Variants in LAMA3 observed in about 807,000 individuals in gnomAD.
LAMA3 encodes the protein laminin subunit alpha 3.
Under a neutral mutation model 402.0 loss-of-function variants are expected in LAMA3, and 281 were observed. That is an observed-to-expected ratio of 0.70 (90% CI 0.63 to 0.77). The LOEUF (loss-of-function observed/expected upper bound fraction) is 0.77. LAMA3 is among the 30% of genes least tolerant of loss of function. The pLI is 0.00. For synonymous variants in LAMA3, 1,431 were observed against 1,558.4 expected (o/e 0.92, Z 1.93); for missense variants, 3,840 against 4,215.5 (o/e 0.91, Z 2.47).
At chr18:23,896,398 T>C (rs1307755354) in intron 44 of LAMA3, among the ~76,000 whole-genome samples, 1 of 152,044 alleles carries the variant, frequency 6.6e-6, no homozygotes, top group African/African-American at 2.4e-5. Flanking sequence ...AATATCCAAA[T>C]TGGGGGATTT....
intron 74 of LAMA3, among the ~76,000 whole-genome samples, chr18:23,953,557 G>A (rs2083001212): frequency 6.6e-6 from 1 of 151,944 alleles, no homozygotes; most frequent in African/African-American, 2.4e-5. Flanking sequence ...GGCCAGGCTG[G>A]TCACAAACTC....
At chr18:23,916,801 GT>G (rs1338381214) in intron 60 of LAMA3, 106 bp downstream of exon 60, 12 of 1,078,080 alleles carry the variant, frequency 1.1e-5, no homozygotes, top group Non-Finnish European at 1.6e-5. Flanking sequence ...GGAAAACAAT[GT>G]GTAAATGTTA....
chr18:23,708,735 C>T (rs2060935219), intron 1 of LAMA3, among the ~76,000 whole-genome samples: 1 of 151,808 alleles, frequency 6.6e-6, no homozygotes, highest in Non-Finnish European at 1.5e-5. Flanking sequence ...ACATTTGGGT[C>T]TTTATTTTCT....
chr18:23,783,971 A>C (rs1409338790), intron 11 of LAMA3, 52 bp from the exon 12 acceptor site: 5 of 1,609,262 alleles, frequency 3.1e-6, no homozygotes, highest in Non-Finnish European at 3.4e-6. Context: ...GGAGAAATTA[A>C]GAAAGTGATG....
At chr18:23,847,175 C>T (rs1281229032) in intron 31 of LAMA3, among the ~76,000 whole-genome samples, 2 of 152,204 alleles carry the variant, frequency 1.3e-5, no homozygotes, top group Non-Finnish European at 2.9e-5. Flanking sequence ...TACCAATTTC[C>T]AGAATCCTTC....
At chr18:23,942,535 T>C (rs2082558943) in intron 68 of LAMA3, among the ~76,000 whole-genome samples, 1 of 151,552 alleles carries the variant, frequency 6.6e-6, no homozygotes, top group African/African-American at 2.4e-5. Context: ...TGGATGTGCA[T>C]AGAACATGTA....
Position 23,846,307 on chromosome 18 carries a change from G to A in LAMA3, c.3730G>A (p.Ala1244Thr). The change falls in exon 31 of 75, where the codon GCC (alanine) becomes ACC (threonine). Residue 1244 changes from alanine (A) to threonine (T), a missense_variant. Coordinates refer to ENST00000313654, the MANE Select transcript of LAMA3 (RefSeq NM_198129.4). ...TTTCTGTCTCCACAGCCCCCAGACA[G>A]CCTCCAGATTCTGTAAGAATTCCGC... ...KNSFYLDPQT[A>T]SRFCKNSARS... 1 of 1,614,244 alleles carries A rather than the reference G, an allele frequency of 6.2e-7. No individual in the cohort carries two copies. The highest frequency in any genetic ancestry group is 8.5e-7 in the Non-Finnish European group (1 of 1,180,032).
intron 52 of LAMA3, among the ~76,000 whole-genome samples, chr18:23,905,925 C>T (rs45554537): frequency 3.3e-5 from 5 of 151,892 alleles, no homozygotes; most frequent in African/African-American, 7.3e-5. Flanking sequence ...CCACCATGCC[C>T]AGCTAATTTT....
rs749379615 is a variant in LAMA3, at chr18:23,857,952, A to G, written c.4245A>G (p.Gly1415=). ...CNCNRDGTEP[G]VCDPGTGACL... ...GCAACAGAGATGGGACTGAGCCAGG[A>G]GTGTGTGACCCAGGGACCGGGGCTT... The change falls in exon 33 of 75, where the codon GGA becomes GGG. Residue 1415 remains glycine, a synonymous_variant. Transcript: ENST00000313654. 6.2e-7 allele frequency: 1 copy of G among 1,614,112 alleles called. No homozygotes were observed. Among genetic ancestry groups the G allele is most frequent in the South Asian group, 1.1e-5 (1 of 91,076 alleles).
intron 41 of LAMA3, among the ~76,000 whole-genome samples, chr18:23,887,615 C>G (rs1350439104): frequency 2.0e-5 from 3 of 152,156 alleles, no homozygotes; most frequent in Non-Finnish European, 4.4e-5. Context: ...AGACACAGCA[C>G]CCAGACATCA....
chr18:23,905,113 AT>A (rs777996582), intron 51 of LAMA3, among the ~76,000 whole-genome samples: 10 of 152,182 alleles, frequency 6.6e-5, no homozygotes, highest in Non-Finnish European at 1.2e-4. Flanking sequence ...GATAATTCCT[AT>A]ATCTGAAAAT....
intron 20 of LAMA3, among the ~76,000 whole-genome samples, chr18:23,823,360 C>A (rs899031682): frequency 6.6e-6 from 1 of 152,230 alleles, no homozygotes; most frequent in African/African-American, 2.4e-5. Flanking sequence ...ACAGGCCCCT[C>A]TGCCTCCTGC....
chr18:23,799,357 G>C (rs1432889270), intron 12 of LAMA3, among the ~76,000 whole-genome samples: 3 of 152,162 alleles, frequency 2.0e-5, no homozygotes, highest in Non-Finnish European at 4.4e-5. Flanking sequence ...GTGAGAAAAG[G>C]GCTGCCAATG....
intron 35 of LAMA3, among the ~76,000 whole-genome samples, 181 bp from the exon 36 acceptor site, chr18:23,864,604 T>TA (rs1422134363): frequency 6.6e-6 from 1 of 152,150 alleles, no homozygotes; most frequent in Non-Finnish European, 1.5e-5. Context: ...CAAATGACAT[T>TA]AAAAATAGCA....
chr18:23,939,946 T>C (rs2082439428), intron 68 of LAMA3, among the ~76,000 whole-genome samples: 1 of 152,234 alleles, frequency 6.6e-6, no homozygotes, highest in South Asian at 2.1e-4. Context: ...GGTACTGACC[T>C]TTTCTTCACG....
At chr18:23,927,201 C>T (rs2082026812) in intron 62 of LAMA3, among the ~76,000 whole-genome samples, 1 of 152,140 alleles carries the variant, frequency 6.6e-6, no homozygotes, top group Non-Finnish European at 1.5e-5. Flanking sequence ...GGCAGAGTCT[C>T]GCTTTGTTGC....
intron 21 of LAMA3, among the ~76,000 whole-genome samples, chr18:23,825,084 G>C (rs1598866872): frequency 6.6e-6 from 1 of 152,212 alleles, no homozygotes; most frequent in Non-Finnish European, 1.5e-5. Context: ...AGAGAAGCAA[G>C]AGGCTACAGG....
intron 11 of LAMA3, among the ~76,000 whole-genome samples, chr18:23,778,915 C>T (rs1029609877): frequency 1.3e-5 from 2 of 152,070 alleles, no homozygotes; most frequent in Non-Finnish European, 2.9e-5. Flanking sequence ...ATAAGCGCTG[C>T]TGAAAAAACA....
intron 1 of LAMA3, among the ~76,000 whole-genome samples, chr18:23,693,378 T>C (rs550912412): frequency 2.6e-5 from 4 of 152,208 alleles, no homozygotes; most frequent in Non-Finnish European, 5.9e-5. Flanking sequence ...TGTTTACATA[T>C]GTAGTTACCT....
Sources: allele counts gnomAD v4.1 joint callset (sites outside exome capture counted in the v4.1 genomes callset), GRCh38; gene constraint gnomAD v4.1.1; transcripts MANE v1.5; gene names NCBI Gene and HGNC (gene_info 2026-07-23, HGNC 2026-07-21).